The following C14orf39 variants were observed in gnomAD, a reference collection of about 807,000 sequenced individuals.
C14orf39 encodes protein SIX6OS1.
Under a neutral mutation model 85.6 loss-of-function variants are expected in C14orf39, and 66 were observed. The ratio of observed to expected loss-of-function variants is 0.77; its 90% confidence interval spans 0.63 to 0.95. C14orf39 has a LOEUF of 0.95. C14orf39 is among the 40% of genes least tolerant of loss of function. C14orf39 has a pLI of 0.00. For missense variants in C14orf39, 735 were observed against 663.9 expected, an observed-to-expected ratio of 1.11 and a Z score of -1.18; for synonymous variants, 242 against 214.0, an observed-to-expected ratio of 1.13 and a Z score of -1.14.
upstream of C14orf39, among the ~76,000 whole-genome samples, chr14:60,486,357 A>T (rs559566715): frequency 1.8e-4 from 28 of 152,346 alleles, no homozygotes; most frequent in African/African-American, 6.0e-4. Flanking sequence ...ACAAGTTTTT[A>T]AAAATATTTT....
intron 16 of C14orf39, among the ~76,000 whole-genome samples, chr14:60,451,172 TA>T (rs1192520028): frequency 1.3e-5 from 2 of 152,078 alleles, no homozygotes. Flanking sequence ...AGGCAATCAT[TA>T]AAAAATCAGG....
In C14orf39 at chr14:60,511,181, G is replaced by A. The variant is rs1265888751; in HGVS notation, c.-144+4214C>T. 1.9e-6 allele frequency: 3 copies of A among 1,612,818 alleles called. No homozygotes were observed. The African/African-American group carries it at 4.0e-5, about 22-fold the overall frequency. On this transcript the variant is annotated intron_variant, in intron 1 of 5. Transcript: ENST00000556799. ...GCTGGGCGTCGCCACCAGCCCGGCC[G>A]CCAGTCTATCCAGCAAGGCGGCCAC...
At chr14:60,510,482 C>T (rs1479519802) in intron 1 of C14orf39, among the ~76,000 whole-genome samples, 5 of 152,222 alleles carry the variant, frequency 3.3e-5, no homozygotes, top group Admixed American at 3.3e-4. Flanking sequence ...CATGCGCTGC[C>T]TGCCACTCTT....
At chr14:60,500,849 T>G (rs1205561981) in intron 1 of C14orf39, among the ~76,000 whole-genome samples, 1 of 152,148 alleles carries the variant, frequency 6.6e-6, no homozygotes, top group East Asian at 1.9e-4. Context: ...TGACCATGTA[T>G]TGCTTTTATA....
At chr14:60,482,883 T>TGTGTGC (rs1447950369) in intron 4 of C14orf39, among the ~76,000 whole-genome samples, 1 of 143,824 alleles carries the variant, frequency 7.0e-6, no homozygotes, top group Non-Finnish European at 1.5e-5. Flanking sequence ...TAGACAGGTG[T>TGTGTGC]GTGTGTGTGT....
chr14:60,465,352 C>G (rs1243545275), intron 11 of C14orf39, among the ~76,000 whole-genome samples: 1 of 152,072 alleles, frequency 6.6e-6, no homozygotes, highest in East Asian at 1.9e-4. Flanking sequence ...AAGTGTGCCA[C>G]CAGCAGTTAG....
Position 60,463,446 on chromosome 14 carries a change from C to T in C14orf39, c.973-1853G>A, listed in dbSNP as rs1287497188. ...TGATCACTTTGTCTTTTTCCTTCACCACACTGTTATAATTACTATGTTTTG... is the reference window on the plus strand; with the variant it reads ...TGATCACTTTGTCTTTTTCCTTCACTACACTGTTATAATTACTATGTTTTG... On this transcript the variant is annotated intron_variant, in intron 11 of 17. Transcript: ENST00000321731. Among the ~76,000 whole-genome samples, 4 of 151,718 alleles carry T rather than the reference C, an allele frequency of 2.6e-5. No individual in the cohort carries two copies. The South Asian group carries it at 8.3e-4, about 32-fold the overall frequency.
At position 60,457,129 on chromosome 14, in the gene C14orf39, A is replaced by ATATTTTATTTATT. The variant is rs1891317394; in HGVS notation, c.1180-35_1180-34insAATAAATAAAATA. 3 of 1,398,824 alleles carry ATATTTTATTTATT rather than the reference A, an allele frequency of 2.1e-6. No homozygotes were observed. The South Asian group carries it at 4.3e-5, about 20-fold the overall frequency. 86.7% of individuals were successfully genotyped at this position (1,398,824 alleles called of 1,614,324 possible). On this transcript the variant is annotated intron_variant, in intron 14 of 17. Transcript: ENST00000321731. ...TCAAAGTAACAGAAAACTATAAAACAAATGCTGCTGCATTAATGACATACA... is the reference window on the plus strand; with the variant it reads ...TCAAAGTAACAGAAAACTATAAAACATATTTTATTTATTAATGCTGCTGCATTAATGACATACA...
At chr14:60,513,334 G>A (rs1278544694) in intron 1 of C14orf39, among the ~76,000 whole-genome samples, 1 of 152,188 alleles carries the variant, frequency 6.6e-6, no homozygotes. Flanking sequence ...TAGAGCCCCA[G>A]GTAGTTCCTA....
intron 9 of C14orf39, among the ~76,000 whole-genome samples, chr14:60,467,552 T>C (rs1173419357): frequency 6.6e-6 from 1 of 151,900 alleles, no homozygotes; most frequent in Non-Finnish European, 1.5e-5. Flanking sequence ...TGTCAGAATA[T>C]ATATTGAGTT....
At position 60,478,377 on chromosome 14, in the gene C14orf39, T is replaced by C. The variant is rs1301825522; in HGVS notation, c.246A>G (p.Thr82=). Residue 82 remains threonine, a synonymous_variant, in exon 5 of 18, where the codon ACA becomes ACG. Transcript: ENST00000321731. ...IKDNCRNWKP[T]CDVFRKHEDY... ...CTTCATGTTTACGAAAAACATCACATGTTGGCTTCCAGCTATAGAAAAAAA... is the reference window on the plus strand; with the variant it reads ...CTTCATGTTTACGAAAAACATCACACGTTGGCTTCCAGCTATAGAAAAAAA... The C allele has an allele frequency of 6.4e-7, 1 of 1,570,514 alleles. No individual in the cohort carries two copies. The highest frequency in any genetic ancestry group is 8.6e-7 in the Non-Finnish European group (1 of 1,161,172).
chr14:60,440,313 C>G (rs1393324680), intron 17 of C14orf39, among the ~76,000 whole-genome samples: 2 of 152,138 alleles, frequency 1.3e-5, no homozygotes, highest in Non-Finnish European at 2.9e-5. Flanking sequence ...ACCCCTGTCT[C>G]CTCAATCTCA....
At chr14:60,497,297 T>C (rs1893081606) in intron 2 of C14orf39, among the ~76,000 whole-genome samples, 1 of 152,226 alleles carries the variant, frequency 6.6e-6, no homozygotes, top group African/African-American at 2.4e-5. Flanking sequence ...TTCATAGCAA[T>C]TAACACAGTT....
intron 11 of C14orf39, 35 bp downstream of exon 11, chr14:60,465,944 T>A: frequency 9.3e-7 from 1 of 1,081,060 alleles, no homozygotes; most frequent in Non-Finnish European, 1.3e-6. Flanking sequence ...TGCAAGCAGG[T>A]ATTTAATTTA....
At chr14:60,514,322 T>C (rs1323674303) in intron 1 of C14orf39, among the ~76,000 whole-genome samples, 2 of 152,220 alleles carry the variant, frequency 1.3e-5, no homozygotes, top group African/African-American at 4.8e-5. Context: ...TTTCTTTTCC[T>C]GCAATTCTTC....
intron 16 of C14orf39, among the ~76,000 whole-genome samples, chr14:60,453,256 T>C (rs1296405041): frequency 6.6e-6 from 1 of 152,088 alleles, no homozygotes; most frequent in Non-Finnish European, 1.5e-5. Flanking sequence ...CTTTACACAT[T>C]TGTGACTGTT....
chr14:60,506,000 A>C (rs866340646), intron 1 of C14orf39, among the ~76,000 whole-genome samples: 8 of 152,206 alleles, frequency 5.3e-5, no homozygotes, highest in Non-Finnish European at 8.8e-5. Context: ...CTTTGCCTAA[A>C]TCCAGCACGA....
At chr14:60,462,547 T>C (rs955210552) in intron 11 of C14orf39, among the ~76,000 whole-genome samples, 1 of 152,132 alleles carries the variant, frequency 6.6e-6, no homozygotes, top group Non-Finnish European at 1.5e-5. Flanking sequence ...GTTTATCTCA[T>C]TTATTTTTGT....
At chr14:60,467,475 T>G (rs1165461223) in intron 9 of C14orf39, among the ~76,000 whole-genome samples, 1 of 151,852 alleles carries the variant, frequency 6.6e-6, no homozygotes, top group Non-Finnish European at 1.5e-5. Flanking sequence ...AATGGGTCTT[T>G]TAAGTTTTTT....
Sources: allele counts gnomAD v4.1 joint callset (sites outside exome capture counted in the v4.1 genomes callset), GRCh38; gene constraint gnomAD v4.1.1; transcripts MANE v1.5; gene names NCBI Gene and HGNC (gene_info 2026-07-23, HGNC 2026-07-21).